KCNT2: variants seen among roughly 807,000 people sequenced by gnomAD.
The protein encoded by KCNT2 is potassium channel subfamily T member 2.
A neutral mutation model predicts 153.8 loss-of-function variants in KCNT2; 67 were observed. The observed-to-expected ratio is 0.44, with a 90% confidence interval of 0.36 to 0.53. The LOEUF is 0.53. Among genes scored for constraint, KCNT2 ranks in the 20% least tolerant of loss-of-function variants. KCNT2 has a pLI of 0.00. For synonymous variants in KCNT2, 500 were observed against 458.8 expected (o/e 1.09, Z -1.15); for missense variants, 975 against 1,354.8 (o/e 0.72, Z 4.40).
chr1:196,456,414 C>T (rs1208087694), intron 8 of KCNT2, among the ~76,000 whole-genome samples: 1 of 151,962 alleles, frequency 6.6e-6, no homozygotes, highest in Non-Finnish European at 1.5e-5. Context: ...TAAAACAATA[C>T]AATTCTATTT....
rs1677204009 is a variant in KCNT2, at chr1:196,462,109, T to C, written c.638+3184A>G. Among the ~76,000 whole-genome samples, 2 of 151,760 alleles carry C rather than the reference T, an allele frequency of 1.3e-5. 1 individual carries two copies. The highest frequency in any genetic ancestry group is 4.2e-4 in the South Asian group (2 of 4,814). On this transcript the variant is annotated intron_variant, in intron 8 of 27. Transcript: ENST00000294725. The stretch of plus-strand genomic sequence containing the variant: ...GTGGTAAAATAAATGATGGAATCTA[T>C]TCATATGAGAAATATTTCTCAATAG...
At chr1:196,461,689 T>C (rs144153587) in intron 8 of KCNT2, among the ~76,000 whole-genome samples, 123 of 151,852 alleles carry the variant, frequency 8.1e-4, no homozygotes, top group African/African-American at 2.9e-3. Context: ...TTCCCAGCTG[T>C]CTTGGAAGTG....
intron 27 of KCNT2, among the ~76,000 whole-genome samples, chr1:196,233,355 T>G: frequency 6.6e-6 from 1 of 151,590 alleles, no homozygotes; most frequent in South Asian, 2.1e-4. Context: ...TTAGGAATCT[T>G]TTCACACTTA....
chr1:196,508,189 C>CAAAAAAAAAAAAAAAA (rs10539910), intron 1 of KCNT2, among the ~76,000 whole-genome samples: 16 of 59,978 alleles, frequency 2.7e-4, no homozygotes, highest in African/African-American at 6.2e-4. Flanking sequence ...CCCTAAGTAG[C>CAAAAAAAAAAAAAAAA]AAAAAAAAAA....
At chr1:196,606,148 CT>C (rs1665298941) in intron 1 of KCNT2, among the ~76,000 whole-genome samples, 2 of 152,130 alleles carry the variant, frequency 1.3e-5, no homozygotes, top group South Asian at 4.1e-4. Context: ...AGTTCTGCGC[CT>C]CTCCATCCTT....
chr1:196,326,795 T>C lies in KCNT2; in HGVS notation c.2198A>G (p.Tyr733Cys). The change falls in exon 19 of 28, where the codon TAT becomes TGT. Residue 733 changes from tyrosine (Y) to cysteine (C), a missense_variant. By Grantham distance (194) the Tyr-to-Cys change is radical. Around this residue, in one of 6 missense-constraint regions of KCNT2, gnomAD observed 325 missense variants for 388.1 expected, o/e 0.84. Coordinates refer to ENST00000294725, the MANE Select transcript of KCNT2 (RefSeq NM_198503.5). The stretch of plus-strand genomic sequence containing the variant: ...TGCCCTGAGAGGAACAATAAAGTTA[T>C]ATAATCCATTTCCAGCTGTTTCAGC... Reference protein sequence around the residue: ...VAAETAGNGLYNFIVPLRAYY... With the variant: ...VAAETAGNGLCNFIVPLRAYY... The C allele has an allele frequency of 6.3e-7, 1 of 1,583,618 alleles. No homozygotes were observed. Among genetic ancestry groups the C allele is most frequent in the Non-Finnish European group, 8.6e-7 (1 of 1,166,356 alleles).
At chr1:196,532,514 G>C (rs1334562624) in intron 1 of KCNT2, among the ~76,000 whole-genome samples, 2 of 151,762 alleles carry the variant, frequency 1.3e-5, no homozygotes, top group Admixed American at 1.3e-4. Context: ...TATAATCCTT[G>C]AGATTATGTG....
chr1:196,565,376 A>G (rs753218546), intron 1 of KCNT2, among the ~76,000 whole-genome samples: 3 of 151,526 alleles, frequency 2.0e-5, no homozygotes, highest in Non-Finnish European at 4.4e-5. Context: ...ATGGAAAACT[A>G]TCTAGAGATA....
At chr1:196,348,220 CTG>C (rs1002448335) in intron 14 of KCNT2, among the ~76,000 whole-genome samples, 11 of 145,094 alleles carry the variant, frequency 7.6e-5, no homozygotes, top group South Asian at 6.4e-4. Context: ...AAAAAAAAAA[CTG>C]AGTTTCATAA....
At chr1:196,380,786 T>C (rs751739098) in intron 13 of KCNT2, among the ~76,000 whole-genome samples, 36 of 152,236 alleles carry the variant, frequency 2.4e-4, no homozygotes, top group Non-Finnish European at 4.4e-4. Flanking sequence ...AGTGGGTTTA[T>C]TGCTACAAAA....
At chr1:196,517,721 G>T (rs1188693810) in intron 1 of KCNT2, among the ~76,000 whole-genome samples, 1 of 151,862 alleles carries the variant, frequency 6.6e-6, no homozygotes, top group Non-Finnish European at 1.5e-5. Context: ...CAAAAATAAA[G>T]AAAAAAAGAA....
intron 1 of KCNT2, among the ~76,000 whole-genome samples, chr1:196,580,516 A>G (rs535393771): frequency 6.6e-6 from 1 of 152,324 alleles, no homozygotes; most frequent in East Asian, 1.9e-4. Flanking sequence ...ATAGGTAACT[A>G]GAAAACTTAG....
intron 25 of KCNT2, among the ~76,000 whole-genome samples, chr1:196,268,982 A>G (rs1657808716): frequency 6.6e-6 from 1 of 152,122 alleles, no homozygotes; most frequent in Admixed American, 6.6e-5. Context: ...GTAAAAAATA[A>G]TAATAATAAT....
chr1:196,393,820 C>T (rs1002796265), intron 13 of KCNT2, among the ~76,000 whole-genome samples: 1 of 151,272 alleles, frequency 6.6e-6, no homozygotes. Context: ...ATTGTAGATC[C>T]GATATTTGAC....
intron 4 of KCNT2, among the ~76,000 whole-genome samples, chr1:196,480,773 G>A (rs1021132393): frequency 8.4e-5 from 12 of 143,228 alleles, no homozygotes; most frequent in African/African-American, 5.2e-5. Context: ...GGAGAATGGC[G>A]TGAACCCAGG....
intron 5 of KCNT2, among the ~76,000 whole-genome samples, chr1:196,470,279 G>T (rs1054768152): frequency 1.3e-5 from 2 of 152,158 alleles, no homozygotes; most frequent in African/African-American, 4.8e-5. Context: ...ACTGCATTTG[G>T]CTACTGCCCA....
At position 196,562,660 on chromosome 1, in the gene KCNT2, G is replaced by A. The variant is rs149076345; in HGVS notation, c.95+45555C>T. Among the ~76,000 whole-genome samples, 392 of 151,190 alleles carry A rather than the reference G, an allele frequency of 2.6e-3. 2 individuals carry two copies. Among genetic ancestry groups the A allele is most frequent in the Middle Eastern group, 0.014 (4 of 292 alleles). On this transcript the variant is annotated intron_variant, in intron 1 of 27. Transcript: ENST00000294725. ...AAAATAATAAATTGGTCATGATATC[G>A]TTGATTTTGAATTGATTACTACAGT...
chr1:196,521,529 CA>C (rs1329343508), intron 1 of KCNT2, among the ~76,000 whole-genome samples: 2 of 152,020 alleles, frequency 1.3e-5, no homozygotes, highest in African/African-American at 4.8e-5. Context: ...TTCACAATAG[CA>C]AAGGCATGGA....
chr1:196,454,606 G>T (rs1676496201), intron 8 of KCNT2, among the ~76,000 whole-genome samples: 1 of 151,608 alleles, frequency 6.6e-6, no homozygotes, highest in Non-Finnish European at 1.5e-5. Flanking sequence ...CCACAGATGG[G>T]CACCCATCTG....
Sources: allele counts gnomAD v4.1 joint callset (sites outside exome capture counted in the v4.1 genomes callset), GRCh38; gene constraint gnomAD v4.1.1; regional missense constraint gnomAD v4.1.1; transcripts MANE v1.5; gene names NCBI Gene and HGNC (gene_info 2026-07-23, HGNC 2026-07-21).